ZDHHC3: variants seen among roughly 807,000 people sequenced by gnomAD.
ZDHHC3 encodes palmitoyltransferase ZDHHC3.
Under a neutral mutation model 30.6 loss-of-function variants are expected in ZDHHC3, and 9 were observed. That is an observed-to-expected ratio of 0.29 (90% CI 0.18 to 0.51). The LOEUF (loss-of-function observed/expected upper bound fraction) is 0.51. Ranked by LOEUF, ZDHHC3 falls within the 20% of genes least tolerant of loss-of-function variation. The pLI is 0.97. For missense variants in ZDHHC3, 246 were observed against 384.2 expected (o/e 0.64, Z 3.01); for synonymous variants, 136 against 140.2 (o/e 0.97, Z 0.21).
chr3:44,962,392 C>A (rs547386885), intron 1 of ZDHHC3, among the ~76,000 whole-genome samples: 5 of 152,098 alleles, frequency 3.3e-5, no homozygotes, highest in Non-Finnish European at 5.9e-5. Context: ...ATAAGCCCTT[C>A]CACGTAAGTA....
chr3:44,965,471 T>A (rs965928242), intron 1 of ZDHHC3, among the ~76,000 whole-genome samples: 2 of 152,168 alleles, frequency 1.3e-5, no homozygotes, highest in African/African-American at 4.8e-5. Context: ...TGCCAAGCTC[T>A]CAGGCCCCAT....
At position 44,926,791 on chromosome 3, in the gene ZDHHC3, C is replaced by T; in HGVS notation, c.798G>A (p.Met266Ile). 1 of 1,613,640 alleles carries T rather than the reference C, an allele frequency of 6.2e-7. No homozygotes were observed. The highest frequency in any genetic ancestry group is 2.2e-5 in the East Asian group (1 of 44,850). The part of the protein sequence containing the change: ...ERRWAKKTKW[M>I]NMKAVFGHPF... Reference sequence around the variant, plus strand: ...GGTGGCCAAAAACGGCTTTCATGTTCATCCATTTTGTTTTTTTAGCCCATC... The same window carrying T: ...GGTGGCCAAAAACGGCTTTCATGTTTATCCATTTTGTTTTTTTAGCCCATC... The change falls in exon 7 of 7, where the codon ATG (methionine) becomes ATA (isoleucine). Residue 266 changes from methionine to isoleucine, a missense_variant. By Grantham distance (10) the Met-to-Ile change is conservative. Coordinates refer to ENST00000424952, the MANE Select transcript of ZDHHC3 (RefSeq NM_001135179.2).
intron 3 of ZDHHC3, among the ~76,000 whole-genome samples, chr3:44,938,836 CCACGGTGCT>C (rs1702198556): frequency 6.6e-6 from 1 of 152,202 alleles, no homozygotes; most frequent in Non-Finnish European, 1.5e-5. Flanking sequence ...CAGTCCTCCA[CCACGGTGCT>C]CACTTGTAGC....
chr3:44,915,301 A>G lies in ZDHHC3; in HGVS notation c.*11388T>C, dbSNP rs747619735. 1.3e-5 allele frequency: 2 copies of G among 152,210 alleles called. No individual in the cohort carries two copies. Among genetic ancestry groups the G allele is most frequent in the Non-Finnish European group, 2.9e-5 (2 of 68,060 alleles). The allele number at this position is 152,210 out of a possible 1,614,324, so 9.4% of individuals were successfully genotyped here. ...AGCTTTTTATTCAAAGAAAGAGGCA[A>G]ATTGCACCCAATCTCTCTCCCTGTA... is the stretch of plus-strand genomic sequence containing the variant. On this transcript the variant is annotated 3_prime_UTR_variant, in exon 7 of 7. Transcript: ENST00000424952.
intron 2 of ZDHHC3, among the ~76,000 whole-genome samples, chr3:44,954,351 T>C (rs1703739345): frequency 6.6e-6 from 1 of 152,252 alleles, no homozygotes; most frequent in South Asian, 2.1e-4. Context: ...TACTGTACCA[T>C]TTCTATGTTT....
At position 44,959,299 on chromosome 3, in the gene ZDHHC3, G is replaced by A. The variant is rs759667332; in HGVS notation, c.138C>T (p.Ala46=). ...CCAGAAACCAGGTAACGATGGCACA[G>A]GCGATGCCACAGCCGTCACGGATAA... The part of the protein sequence containing the change: ...MWFIRDGCGI[A]CAIVTWFLVL... The change falls in exon 2 of 7, where the codon GCC becomes GCT. Residue 46 remains alanine, a synonymous_variant. Transcript: ENST00000424952. The surrounding 1 kb of genome is among the most constrained non-coding windows in gnomAD (Gnocchi z 4.3). 1.2e-6 allele frequency: 2 copies of A among 1,614,254 alleles called. No individual in the cohort carries two copies. The highest frequency in any genetic ancestry group is 1.7e-6 in the Non-Finnish European group (2 of 1,180,050).
chr3:44,927,101 G>C (rs1002534125), intron 6 of ZDHHC3, among the ~76,000 whole-genome samples: 1 of 152,226 alleles, frequency 6.6e-6, no homozygotes. Flanking sequence ...ACTGCTGCTT[G>C]TAAGTATGCC....
intron 3 of ZDHHC3, among the ~76,000 whole-genome samples, chr3:44,939,107 T>C (rs781408653): frequency 3.8e-4 from 58 of 152,168 alleles, no homozygotes; most frequent in Non-Finnish European, 6.8e-4. Context: ...ACAGGCATGT[T>C]GGGAATGGGT....
At position 44,933,062 on chromosome 3, in the gene ZDHHC3, C is replaced by G. The variant is rs572666251; in HGVS notation, c.610+56G>C. ...GGAAACAAAGAGCCTCCCCGCCCCC[C>G]ACTCAGGTCACACACCCACCCTGGA... On this transcript the variant is annotated intron_variant, in intron 5 of 6. Coordinates refer to ENST00000424952, the MANE Select transcript of ZDHHC3 (RefSeq NM_001135179.2). 13 of 1,612,156 alleles carry G rather than the reference C, an allele frequency of 8.1e-6. No individual in the cohort carries two copies. In the South Asian group the frequency reaches 1.2e-4, roughly 15 times the overall value.
chr3:44,961,272 G>A (rs2125913701), intron 1 of ZDHHC3, among the ~76,000 whole-genome samples: 1 of 152,290 alleles, frequency 6.6e-6, no homozygotes, highest in Middle Eastern at 3.4e-3. Context: ...GTCGCCTGTA[G>A]TCCCAGCTAC....
intron 2 of ZDHHC3, among the ~76,000 whole-genome samples, chr3:44,951,223 C>T (rs1459978224): frequency 6.6e-6 from 1 of 152,186 alleles, no homozygotes; most frequent in Non-Finnish European, 1.5e-5. Flanking sequence ...CACAGTGGAA[C>T]CAATTTAAAT....
At chr3:44,933,673 T>A (rs553920285) in intron 4 of ZDHHC3, among the ~76,000 whole-genome samples, 5 of 152,190 alleles carry the variant, frequency 3.3e-5, no homozygotes, top group Admixed American at 6.5e-5. Flanking sequence ...CCCTTGCTCA[T>A]AGCTAATCAA....
chr3:44,946,615 AGAG>A (rs1230182060), intron 2 of ZDHHC3, among the ~76,000 whole-genome samples: 2 of 152,190 alleles, frequency 1.3e-5, no homozygotes, highest in African/African-American at 2.4e-5. Context: ...CAGGGGAATC[AGAG>A]GAGTTTTAAG....
At chr3:44,933,703 C>T (rs907021918) in intron 4 of ZDHHC3, among the ~76,000 whole-genome samples, 185 bp downstream of exon 4, 4 of 152,308 alleles carry the variant, frequency 2.6e-5, no homozygotes, top group South Asian at 2.1e-4. Context: ...ATTTTCTAAA[C>T]GCTCAAGTGA....
intron 5 of ZDHHC3, among the ~76,000 whole-genome samples, chr3:44,930,480 G>A (rs757158934): frequency 1.1e-4 from 17 of 152,144 alleles, no homozygotes; most frequent in South Asian, 2.1e-4. Flanking sequence ...TTTATTTCTC[G>A]TTGCTTCCAT....
chr3:44,950,815 G>C (rs1384487243), intron 2 of ZDHHC3, among the ~76,000 whole-genome samples: 2 of 152,138 alleles, frequency 1.3e-5, no homozygotes, highest in Non-Finnish European at 2.9e-5. Context: ...TACAATCCTG[G>C]ACAGACAGCA....
At chr3:44,958,988 A>G in intron 2 of ZDHHC3, 143 bp downstream of exon 2, 3 of 1,006,188 alleles carry the variant, frequency 3.0e-6, no homozygotes, top group Non-Finnish European at 4.4e-6. Context: ...ACTCTGAACA[A>G]GGCAGAGATC....
chr3:44,936,368 G>A (rs1312409943), intron 3 of ZDHHC3, among the ~76,000 whole-genome samples: 3 of 152,184 alleles, frequency 2.0e-5, no homozygotes, highest in Admixed American at 6.6e-5. Flanking sequence ...AGATGCTGGC[G>A]AAAGTGCAGA....
chr3:44,933,112 A>C lies in ZDHHC3; in HGVS notation c.610+6T>G. The C allele has an allele frequency of 6.2e-7, 1 of 1,614,056 alleles. No homozygotes were observed. The highest frequency in any genetic ancestry group is 8.5e-7 in the Non-Finnish European group (1 of 1,179,984). On this transcript the variant is annotated splice_donor_region_variant and intron_variant, in intron 5 of 6. Coordinates refer to ENST00000424952, the MANE Select transcript of ZDHHC3 (RefSeq NM_001135179.2). ...AGCAGGGAGGAAAGCCTCAGCACAT[A>C]CTCACTTGTCCAATCTTCTTCAAAG...
Sources: gnomAD v4.1 joint callset for allele counts (sites outside exome capture counted in the v4.1 genomes callset) on GRCh38, gnomAD v4.1.1 for gene constraint, Gnocchi (gnomAD v3.1) non-coding constraint, MANE v1.5 for transcripts, NCBI Gene and HGNC (gene_info 2026-07-23, HGNC 2026-07-21) for gene names.